EML1: variants seen among roughly 807,000 people sequenced by gnomAD.
EML1 encodes echinoderm microtubule-associated protein-like 1.
A neutral mutation model predicts 110.4 loss-of-function variants in EML1; 27 were observed. The ratio of observed to expected loss-of-function variants is 0.24; its 90% CI spans 0.18 to 0.34. The LOEUF is 0.34. EML1 is among the 10% of genes least tolerant of loss of function. The pLI, the probability that EML1 is intolerant of heterozygous loss-of-function variation, is 1.00. For missense variants in EML1, 741 were observed against 1,030.9 expected (o/e 0.72, Z 3.85); for synonymous variants, 344 against 385.8 (o/e 0.89, Z 1.27).
At chr14:99,789,161 T>C (rs778960783), upstream of EML1, among the ~76,000 whole-genome samples, 3 of 152,156 alleles carry the variant, frequency 2.0e-5, no homozygotes, top group African/African-American at 7.2e-5. Flanking sequence ...TTTCAACAAT[T>C]TTGAGTACCC....
intron 1 of EML1, among the ~76,000 whole-genome samples, chr14:99,760,138 A>C (rs2140185925): frequency 6.8e-6 from 1 of 147,502 alleles, no homozygotes; most frequent in South Asian, 2.2e-4. Context: ...GGCTTAAATC[A>C]CTCCATTTGG....
Position 99,857,118 on chromosome 14 carries a change from C to G in EML1, c.250+6083C>G, listed in dbSNP as rs1382694862. 4.0e-5 allele frequency among the ~76,000 whole-genome samples: 6 copies of G among 151,878 alleles called. No individual in the cohort carries two copies. In the East Asian group the frequency reaches 1.2e-3, roughly 30 times the overall value. On this transcript the variant is annotated intron_variant, in intron 2 of 21. Transcript: ENST00000262233. ...GAAACCCCACCTCTACAAAAAATAC[C>G]GAAATTAGCCTTGTGTGATGGCGTG... is the stretch of plus-strand genomic sequence containing the variant.
chr14:99,761,691 G>A (rs1771539901), intron 1 of EML1, among the ~76,000 whole-genome samples: 2 of 152,084 alleles, frequency 1.3e-5, no homozygotes, highest in African/African-American at 2.4e-5. Flanking sequence ...TTGGGAGGCC[G>A]AGGTGGGAGG....
chr14:99,781,494 C>A lies in EML1; in HGVS notation c.-27+7481C>A, dbSNP rs1176098060. 6.6e-6 allele frequency among the ~76,000 whole-genome samples: 1 copy of A among 152,172 alleles called. No homozygotes were observed. Among genetic ancestry groups the A allele is most frequent in the Non-Finnish European group, 1.5e-5 (1 of 68,038 alleles). ...TGTGGTCTGGCGGGCCAGTTCCCCA[C>A]CCCACAGCTGGGAGGATGGCTGCCA... On this transcript the variant is annotated intron_variant, in intron 1 of 22. Transcript: ENST00000327921. This position sits in a 1 kb window ranked among gnomAD's most constrained non-coding sequence, Gnocchi z 4.2.
chr14:99,793,633 G>A, intron 1 of EML1, 90 bp downstream of exon 1: 1 of 933,030 alleles, frequency 1.1e-6, no homozygotes, highest in Non-Finnish European at 1.3e-6. Context: ...GAGGGGCCGA[G>A]GCCCGGCGGC....
intron 1 of EML1, among the ~76,000 whole-genome samples, chr14:99,776,403 C>T (rs1292816364): frequency 1.3e-5 from 2 of 151,766 alleles, no homozygotes; most frequent in Admixed American, 1.3e-4. Context: ...ACTTGGGAGA[C>T]TGAGGTGGGA....
intron 10 of EML1, among the ~76,000 whole-genome samples, chr14:99,908,095 G>A (rs780746004): frequency 5.2e-4 from 79 of 152,350 alleles, no homozygotes; most frequent in Non-Finnish European, 6.6e-4. Flanking sequence ...GTGCTCAGGC[G>A]TGAGGTGGGC....
At chr14:99,840,654 T>C (rs554053789) in intron 1 of EML1, among the ~76,000 whole-genome samples, 82 of 152,262 alleles carry the variant, frequency 5.4e-4, no homozygotes, top group Admixed American at 9.1e-4. Context: ...AGGGAACAGA[T>C]TCTAAGTTAA....
chr14:99,810,199 C>T (rs557848027), intron 1 of EML1, among the ~76,000 whole-genome samples: 1 of 152,292 alleles, frequency 6.6e-6, no homozygotes, highest in East Asian at 1.9e-4. Flanking sequence ...TCAGAACCAG[C>T]CAGATGCTAC....
chr14:99,835,077 C>T (rs1213729942), intron 1 of EML1, among the ~76,000 whole-genome samples: 2 of 152,228 alleles, frequency 1.3e-5, no homozygotes, highest in Non-Finnish European at 2.9e-5. Context: ...CTGCCTCAGC[C>T]TCCCAAAGTG....
chr14:99,887,370 A>AC (rs1467946829), intron 4 of EML1, among the ~76,000 whole-genome samples: 2 of 152,148 alleles, frequency 1.3e-5, no homozygotes, highest in African/African-American at 2.4e-5. Context: ...GAGTTTGTTC[A>AC]CCGGGGGGGC....
intron 12 of EML1, 73 bp from the exon 13 acceptor site, chr14:99,911,349 C>G: frequency 6.6e-7 from 1 of 1,504,722 alleles, no homozygotes; most frequent in South Asian, 1.4e-5. Context: ...AAACCTAAGT[C>G]AGATGAGATT....
Position 99,738,124 on chromosome 14 carries a change from G to A in EML1, c.28+264G>A, listed in dbSNP as rs1272148221. 2.0e-5 allele frequency among the ~76,000 whole-genome samples: 3 copies of A among 152,248 alleles called. No individual in the cohort carries two copies. In the South Asian group the frequency reaches 6.2e-4, roughly 31 times the overall value. ...CAAGCTCTCCTGGGGCTGGCAGCCG[G>A]GGCCAGAGCTGACCCAGGACAGAGG... On this transcript the variant is annotated intron_variant, in intron 1 of 10. Coordinates refer to the EML1 transcript ENST00000554479.
At chr14:99,870,468 T>TAC (rs1170188187) in intron 3 of EML1, among the ~76,000 whole-genome samples, 3 of 152,236 alleles carry the variant, frequency 2.0e-5, no homozygotes, top group Non-Finnish European at 4.4e-5. Context: ...TGAAAGCAGC[T>TAC]ACACTAAACA....
upstream of EML1, chr14:99,792,843 A>C (rs1227072825): frequency 1.3e-5 from 2 of 152,464 alleles, no homozygotes; most frequent in African/African-American, 4.8e-5. Flanking sequence ...ACGTGTGGAC[A>C]GAGGAACGCG....
chr14:99,742,954 T>A (rs1311557159), intron 1 of EML1, among the ~76,000 whole-genome samples: 1 of 152,136 alleles, frequency 6.6e-6, no homozygotes, highest in Non-Finnish European at 1.5e-5. Flanking sequence ...ACCTGTGATA[T>A]TGACACCAAG....
At chr14:99,838,815 G>GTGGA (rs1470716506) in intron 1 of EML1, among the ~76,000 whole-genome samples, 1 of 152,128 alleles carries the variant, frequency 6.6e-6, no homozygotes, top group Non-Finnish European at 1.5e-5. Flanking sequence ...AAACTGTAAA[G>GTGGA]TGGAGTGGGG....
chr14:99,761,728 C>T (rs937441177), intron 1 of EML1, among the ~76,000 whole-genome samples: 9 of 152,044 alleles, frequency 5.9e-5, no homozygotes, highest in African/African-American at 2.2e-4. Flanking sequence ...AGTTCAAGAC[C>T]AGCCTGGCCA....
At chr14:99,886,467 C>T (rs138173805) in intron 4 of EML1, among the ~76,000 whole-genome samples, 1 of 152,322 alleles carries the variant, frequency 6.6e-6, no homozygotes, top group African/African-American at 2.4e-5. Flanking sequence ...CGCGACAGAG[C>T]CAGACCCTGT....
Sources: gnomAD v4.1 joint callset for allele counts (sites outside exome capture counted in the v4.1 genomes callset) on GRCh38, gnomAD v4.1.1 for gene constraint, Gnocchi (gnomAD v3.1) non-coding constraint, MANE v1.5 for transcripts, NCBI Gene and HGNC (gene_info 2026-07-23, HGNC 2026-07-21) for gene names.